Variants in FGD4 observed in about 807,000 individuals in gnomAD.
The protein encoded by FGD4 is FYVE, RhoGEF and PH domain containing 4.
A neutral mutation model predicts 102.0 loss-of-function variants in FGD4; 42 were observed. That is an observed-to-expected ratio of 0.41 (90% CI 0.32 to 0.53). FGD4 has a LOEUF of 0.53. Among genes scored for constraint, FGD4 ranks in the 20% least tolerant of loss-of-function variants. The pLI is 0.21. For missense variants in FGD4, 902 were observed against 1,078.2 expected, an observed-to-expected ratio of 0.84 and a Z score of 2.29; for synonymous variants, 380 against 375.7, an observed-to-expected ratio of 1.01 and a Z score of -0.13.
At chr12:32,605,249 T>G (rs1948703833) in intron 7 of FGD4, among the ~76,000 whole-genome samples, 1 of 152,050 alleles carries the variant, frequency 6.6e-6, no homozygotes, top group Non-Finnish European at 1.5e-5. Context: ...TATCAGCTGC[T>G]TTTAACAGGG....
At chr12:32,599,449 G>A (rs758281241) in intron 5 of FGD4, among the ~76,000 whole-genome samples, 13 of 97,132 alleles carry the variant, frequency 1.3e-4, no homozygotes, top group Non-Finnish European at 2.1e-4. Flanking sequence ...AGCCGAGATC[G>A]CGCCACTAGC....
At chr12:32,445,763 A>G (rs1942591940) in intron 1 of FGD4, among the ~76,000 whole-genome samples, 1 of 152,216 alleles carries the variant, frequency 6.6e-6, no homozygotes, top group African/African-American at 2.4e-5. Context: ...TCTTTGTTAA[A>G]CACAGATTCA....
At position 32,640,444 on chromosome 12, in the gene FGD4, G is replaced by A. The variant is rs771137256; in HGVS notation, c.2623G>A (p.Ala875Thr). 1.9e-6 allele frequency: 3 copies of A among 1,614,126 alleles called. No individual in the cohort carries two copies. In the South Asian group the frequency reaches 3.3e-5, roughly 18 times the overall value. Residue 875 changes from alanine (A) to threonine (T), a missense_variant, in exon 17 of 17, where the codon GCT becomes ACT. Ala to Thr is a moderately conservative substitution (Grantham distance 58). This residue lies in a region of FGD4 where 459 missense variants were observed against 619.0 expected (regional missense o/e 0.74). Transcript: ENST00000534526. The stretch of plus-strand genomic sequence containing the variant: ...GAAGTGGCTGAAAGTCATCCTTTTA[G>A]CTGTCACAGGTGAGACACCAGGTGG... ...KQKWLKVILL[A>T]VTGETPGGPN...
intron 1 of FGD4, among the ~76,000 whole-genome samples, chr12:32,449,079 A>G (rs974711540): frequency 2.6e-5 from 4 of 152,184 alleles, no homozygotes; most frequent in Non-Finnish European, 4.4e-5. Context: ...TGTGGTTCCT[A>G]TATATTATTT....
chr12:32,604,189 T>C (rs1948618190), intron 7 of FGD4, among the ~76,000 whole-genome samples: 1 of 152,222 alleles, frequency 6.6e-6, no homozygotes, highest in African/African-American at 2.4e-5. Context: ...GTGGACCTTT[T>C]TGTATTTGTC....
intron 1 of FGD4, among the ~76,000 whole-genome samples, chr12:32,408,237 C>T (rs1036057040): frequency 1.3e-5 from 2 of 149,454 alleles, no homozygotes; most frequent in Non-Finnish European, 1.5e-5. Context: ...GGTGCAATCT[C>T]GGCTCACTGC....
At chr12:32,409,998 T>C (rs1941128315) in intron 1 of FGD4, among the ~76,000 whole-genome samples, 1 of 137,536 alleles carries the variant, frequency 7.3e-6, no homozygotes, top group South Asian at 2.4e-4. Context: ...AAACCTTGTC[T>C]TGTCTCTCAA....
intron 1 of FGD4, among the ~76,000 whole-genome samples, chr12:32,411,223 C>T (rs1941194077): frequency 6.6e-6 from 1 of 151,830 alleles, no homozygotes; most frequent in Admixed American, 6.6e-5. Flanking sequence ...GCCACTGCGC[C>T]CGGCCGCTCA....
At chr12:32,590,033 C>T (rs537185046) in intron 4 of FGD4, among the ~76,000 whole-genome samples, 10 of 152,154 alleles carry the variant, frequency 6.6e-5, no homozygotes, top group African/African-American at 1.9e-4. Context: ...GAATGCCGGG[C>T]GCGGTGGCTT....
chr12:32,482,743 G>T (rs962632248), intron 1 of FGD4, among the ~76,000 whole-genome samples: 1 of 152,110 alleles, frequency 6.6e-6, no homozygotes, highest in East Asian at 1.9e-4. Flanking sequence ...ACAAGAAAAC[G>T]AAGACATAGG....
intron 1 of FGD4, among the ~76,000 whole-genome samples, chr12:32,457,152 T>C (rs966422348): frequency 1.3e-5 from 2 of 152,224 alleles, no homozygotes; most frequent in Non-Finnish European, 2.9e-5. Context: ...ATTTCTACAT[T>C]ATGTCATTAG....
chr12:32,624,482 CTT>C (rs10700807), intron 12 of FGD4, 30 bp downstream of exon 12: 144 of 1,341,704 alleles, frequency 1.1e-4, no homozygotes, highest in Admixed American at 4.7e-4. Context: ...CCTTTTCTTT[CTT>C]TTTTTTTTTG....
intron 1 of FGD4, among the ~76,000 whole-genome samples, chr12:32,558,137 A>G (rs894119494): frequency 2.6e-5 from 4 of 152,210 alleles, no homozygotes; most frequent in Non-Finnish European, 1.5e-5. Flanking sequence ...GACATTCCAC[A>G]AAATACCTGA....
chr12:32,453,250 T>TTTA (rs1555183378), intron 1 of FGD4, among the ~76,000 whole-genome samples: 6 of 132,026 alleles, frequency 4.5e-5, no homozygotes, highest in Non-Finnish European at 6.4e-5. Flanking sequence ...TTTTTTTTTT[T>TTTA]AAATGTAGAG....
At chr12:32,418,114 G>A (rs1004277642) in intron 1 of FGD4, among the ~76,000 whole-genome samples, 7 of 151,660 alleles carry the variant, frequency 4.6e-5, no homozygotes, top group Non-Finnish European at 7.4e-5. Context: ...CCGCCACCAC[G>A]CCCGGCTAAT....
intron 1 of FGD4, among the ~76,000 whole-genome samples, chr12:32,484,399 ATAATTT>A (rs1420985040): frequency 2.0e-5 from 3 of 152,220 alleles, no homozygotes; most frequent in African/African-American, 7.2e-5. Context: ...TAGAAACATA[ATAATTT>A]TAAGAAGTGA....
Position 32,596,556 on chromosome 12 carries a change from A to G in FGD4, c.1012-1941A>G, listed in dbSNP as rs1214836370. 2.0e-5 allele frequency among the ~76,000 whole-genome samples: 3 copies of G among 152,048 alleles called. No individual in the cohort carries two copies. The East Asian group carries it at 5.8e-4, about 29-fold the overall frequency. ...CTACTGAAGGCTTTTCTTTCTATGA[A>G]AGTAGAATTATGTATGCAATGGAAA... On this transcript the variant is annotated intron_variant, in intron 4 of 16. Transcript: ENST00000534526.
chr12:32,459,781 C>T (rs1943051543), intron 1 of FGD4, among the ~76,000 whole-genome samples: 1 of 152,006 alleles, frequency 6.6e-6, no homozygotes, highest in Non-Finnish European at 1.5e-5. Context: ...TCACTGCAGC[C>T]TCCATTTCCT....
At chr12:32,532,892 T>G (rs1025943487) in intron 1 of FGD4, among the ~76,000 whole-genome samples, 3 of 152,238 alleles carry the variant, frequency 2.0e-5, no homozygotes, top group Non-Finnish European at 4.4e-5. Flanking sequence ...GCTTATTTAT[T>G]TATGCCTTAT....
Sources: allele counts gnomAD v4.1 joint callset (sites outside exome capture counted in the v4.1 genomes callset), GRCh38; gene constraint gnomAD v4.1.1; regional missense constraint gnomAD v4.1.1; transcripts MANE v1.5; gene names NCBI Gene and HGNC (gene_info 2026-07-23, HGNC 2026-07-21).